Variants in PARD3B observed in about 807,000 individuals in gnomAD.
PARD3B encodes the protein par-3 family cell polarity regulator beta.
PARD3B carries 103 observed loss-of-function variants against 130.2 expected under a neutral mutation model. That is an observed-to-expected ratio of 0.79 (90% CI 0.67 to 0.93). The LOEUF (loss-of-function observed/expected upper bound fraction) is 0.93. PARD3B is among the 40% of genes least tolerant of loss of function. PARD3B has a pLI of 0.00. For synonymous variants in PARD3B, 583 were observed against 553.2 expected, an observed-to-expected ratio of 1.05 and a Z score of -0.76; for missense variants, 1,609 against 1,499.2, an observed-to-expected ratio of 1.07 and a Z score of -1.21.
intron 2 of PARD3B, among the ~76,000 whole-genome samples, chr2:204,929,488 G>T (rs2125772821): frequency 6.6e-6 from 1 of 152,116 alleles, no homozygotes; most frequent in East Asian, 1.9e-4. Flanking sequence ...AAAAATTACT[G>T]GGAAAGTCCT....
chr2:204,747,473 G>T (rs949065149), intron 2 of PARD3B, among the ~76,000 whole-genome samples: 2 of 152,154 alleles, frequency 1.3e-5, no homozygotes, highest in Non-Finnish European at 2.9e-5. Context: ...TCATGGATAG[G>T]AAGAATCAGT....
chr2:205,381,024 A>ATATATATAAAG lies in PARD3B; in HGVS notation c.2631-19984_2631-19983insATAAAGTATAT, dbSNP rs1406596078. Among the ~76,000 whole-genome samples, 10 of 27,672 alleles carry ATATATATAAAG rather than the reference A, an allele frequency of 3.6e-4. No individual in the cohort carries two copies. In the East Asian group the frequency reaches 0.014, roughly 40 times the overall value. The allele number at this position is 27,672 out of a possible 152,430, so 18.2% of individuals were successfully genotyped here. The stretch of plus-strand genomic sequence containing the variant: ...ATATATAATATAAAGAATATATATG[A>ATATATATAAAG]TATATTATATATAAAGAATATATAT... On this transcript the variant is annotated intron_variant, in intron 18 of 22. Coordinates refer to ENST00000406610, the MANE Select transcript of PARD3B (RefSeq NM_001302769.2).
intron 4 of PARD3B, among the ~76,000 whole-genome samples, chr2:205,075,579 TA>T (rs145041780): frequency 0.021 from 3,233 of 151,876 alleles, 108 homozygotes; most frequent in African/African-American, 0.071. Context: ...ACCTCTTTTT[TA>T]GGTTGCAAAA....
chr2:204,878,793 G>A (rs1420453102), intron 2 of PARD3B, among the ~76,000 whole-genome samples: 2 of 152,162 alleles, frequency 1.3e-5, no homozygotes, highest in African/African-American at 4.8e-5. Flanking sequence ...AGGATTAAGA[G>A]CAGAACTTTT....
intron 4 of PARD3B, among the ~76,000 whole-genome samples, chr2:205,050,880 A>C (rs1699142265): frequency 6.6e-6 from 1 of 152,130 alleles, no homozygotes; most frequent in Non-Finnish European, 1.5e-5. Flanking sequence ...TCTCTTGGGC[A>C]ACAGTGCAAT....
intron 4 of PARD3B, among the ~76,000 whole-genome samples, chr2:205,098,828 T>C (rs1190481863): frequency 1.3e-5 from 2 of 152,136 alleles, no homozygotes; most frequent in Non-Finnish European, 2.9e-5. Context: ...TGCTAATTGG[T>C]TTGGGACTAA....
At chr2:205,106,481 ATGTGTG>A (rs202186761) in intron 5 of PARD3B, among the ~76,000 whole-genome samples, 28,159 of 146,820 alleles carry the variant, frequency 0.19, 3,113 homozygotes, top group Middle Eastern at 0.39. Flanking sequence ...TAAGAAATGT[ATGTGTG>A]TGTGTGTGTG....
intron 22 of PARD3B, among the ~76,000 whole-genome samples, chr2:205,573,091 A>C (rs1328200068): frequency 6.6e-6 from 1 of 152,138 alleles, no homozygotes; most frequent in Non-Finnish European, 1.5e-5. Context: ...GAACTCACTC[A>C]CTATCACAAG....
chr2:204,965,615 A>T (rs236842), intron 3 of PARD3B, among the ~76,000 whole-genome samples: 104,503 of 151,568 alleles, frequency 0.69, 36,801 homozygotes, highest in South Asian at 0.83. Flanking sequence ...ATAACTTTTT[A>T]AAAAATTCCT....
intron 2 of PARD3B, among the ~76,000 whole-genome samples, chr2:204,846,365 T>C (rs2044461819): frequency 6.6e-6 from 1 of 151,974 alleles, no homozygotes; most frequent in Non-Finnish European, 1.5e-5. Flanking sequence ...AAAAACAATG[T>C]GTAACTTTTG....
intron 2 of PARD3B, among the ~76,000 whole-genome samples, chr2:204,951,093 T>C (rs558346859): frequency 2.4e-4 from 36 of 152,154 alleles, no homozygotes; most frequent in Non-Finnish European, 4.4e-5. Context: ...GCATGGAGAG[T>C]CATATAATTC....
chr2:205,565,857 G>C (rs1274974184), intron 22 of PARD3B, among the ~76,000 whole-genome samples: 1 of 143,430 alleles, frequency 7.0e-6, no homozygotes, highest in Non-Finnish European at 1.5e-5. Context: ...TAGTGGAGAA[G>C]ATAGTAATTC....
At chr2:205,216,799 A>G (rs779700084) in intron 15 of PARD3B, among the ~76,000 whole-genome samples, 3 of 152,168 alleles carry the variant, frequency 2.0e-5, no homozygotes, top group South Asian at 4.1e-4. Context: ...TGCAATGCTC[A>G]GGGATCCGTA....
At chr2:204,551,407 A>G (rs1381800399) in intron 1 of PARD3B, among the ~76,000 whole-genome samples, 6 of 152,146 alleles carry the variant, frequency 3.9e-5, no homozygotes, top group Non-Finnish European at 5.9e-5. Context: ...CTTCCCTAAC[A>G]GTGAGGATAA....
At chr2:205,417,826 G>T (rs538466820) in intron 19 of PARD3B, among the ~76,000 whole-genome samples, 72 of 152,298 alleles carry the variant, frequency 4.7e-4, no homozygotes, top group Non-Finnish European at 8.8e-4. Flanking sequence ...TGCAGATGGG[G>T]CCTCCTCTGG....
rs532412424 is a variant in PARD3B, at chr2:205,001,536, C to G, written c.394+36213C>G. On this transcript the variant is annotated intron_variant, in intron 3 of 22. Coordinates refer to ENST00000406610, the MANE Select transcript of PARD3B (RefSeq NM_001302769.2). Reference sequence around the variant, plus strand: ...GACTCTGACCCAGTGTGACAGGCACCGTCAGCTGAAGCTGCACCGTCCAGA... The same window carrying G: ...GACTCTGACCCAGTGTGACAGGCACGGTCAGCTGAAGCTGCACCGTCCAGA... 5.9e-5 allele frequency among the ~76,000 whole-genome samples: 9 copies of G among 152,296 alleles called. No homozygotes were observed. In the East Asian group the frequency reaches 1.5e-3, roughly 26 times the overall value.
rs140069832 is a variant in PARD3B at position 204,828,440 on chromosome 2, T to C, written c.223-136712T>C. ...AGGTGAGGCCCCAAGCATAGTCAAATATTAAAAGCTCCGTAAGTAATTCTT... is the reference window on the plus strand; with the variant it reads ...AGGTGAGGCCCCAAGCATAGTCAAACATTAAAAGCTCCGTAAGTAATTCTT... On this transcript the variant is annotated intron_variant, in intron 2 of 22. Transcript: ENST00000406610. Among the ~76,000 whole-genome samples, 15 of 152,260 alleles carry C rather than the reference T, an allele frequency of 9.9e-5. No homozygotes were observed. In the East Asian group the frequency reaches 2.9e-3, roughly 29 times the overall value.
intron 2 of PARD3B, among the ~76,000 whole-genome samples, chr2:204,837,776 T>G (rs1247346005): frequency 6.6e-6 from 1 of 152,324 alleles, no homozygotes; most frequent in East Asian, 1.9e-4. Flanking sequence ...TTTCCGCCTC[T>G]CTGTAATTTC....
chr2:204,742,240 A>G (rs2040039481), intron 2 of PARD3B, among the ~76,000 whole-genome samples: 1 of 152,218 alleles, frequency 6.6e-6, no homozygotes, highest in Non-Finnish European at 1.5e-5. Flanking sequence ...TTTTAACATT[A>G]TACGTATATG....
Sources: allele counts gnomAD v4.1 joint callset (sites outside exome capture counted in the v4.1 genomes callset), GRCh38; gene constraint gnomAD v4.1.1; transcripts MANE v1.5; gene names NCBI Gene and HGNC (gene_info 2026-07-23, HGNC 2026-07-21).